Variants in TENM4 observed in about 807,000 individuals in gnomAD.
The protein encoded by TENM4 is teneurin transmembrane protein 4, also known as teneurin-4.
Under a neutral mutation model 243.3 loss-of-function variants are expected in TENM4, and 82 were observed. The observed-to-expected ratio is 0.34, with a 90% CI of 0.28 to 0.40. The LOEUF (loss-of-function observed/expected upper bound fraction) is 0.40. Ranked by LOEUF, TENM4 falls within the 10% of genes least tolerant of loss-of-function variation. The pLI is 1.00. For synonymous variants in TENM4, 1,412 were observed against 1,456.3 expected (o/e 0.97, Z 0.69); for missense variants, 3,138 against 3,673.3 (o/e 0.85, Z 3.77).
At chr11:78,787,927 G>A (rs1856974270) in intron 15 of TENM4, among the ~76,000 whole-genome samples, 1 of 152,172 alleles carries the variant, frequency 6.6e-6, no homozygotes, top group African/African-American at 2.4e-5. Context: ...AGGGAGCGGT[G>A]GTAAAGTCTT....
chr11:79,245,484 C>A (rs965576273), intron 2 of TENM4, among the ~76,000 whole-genome samples: 1 of 152,188 alleles, frequency 6.6e-6, no homozygotes, highest in South Asian at 2.1e-4. Context: ...AACTGGGGGA[C>A]CTCAGACTGT....
At chr11:79,234,954 T>G (rs60091531) in intron 2 of TENM4, among the ~76,000 whole-genome samples, 4,533 of 152,198 alleles carry the variant, frequency 0.03, 224 homozygotes, top group African/African-American at 0.1. Flanking sequence ...TATCTGGCAT[T>G]GGGCTCAGTG....
At chr11:79,364,304 C>G (rs1473212109) in intron 1 of TENM4, among the ~76,000 whole-genome samples, 2 of 152,188 alleles carry the variant, frequency 1.3e-5, no homozygotes, top group Non-Finnish European at 2.9e-5. Context: ...TCTCAGCACC[C>G]CCCGGCCCAA....
At chr11:78,945,837 A>C (rs1856993135) in intron 6 of TENM4, among the ~76,000 whole-genome samples, 1 of 152,224 alleles carries the variant, frequency 6.6e-6, no homozygotes, top group African/African-American at 2.4e-5. Flanking sequence ...CTTAAACCAA[A>C]GCCTAATCCA....
intron 6 of TENM4, among the ~76,000 whole-genome samples, chr11:78,908,921 C>T (rs992374224): frequency 2.0e-5 from 3 of 152,196 alleles, no homozygotes; most frequent in African/African-American, 7.2e-5. Flanking sequence ...TAAGCCTCAT[C>T]CTTGACAAGT....
At position 78,822,732 on chromosome 11, in the gene TENM4, A is replaced by T. The variant is rs556245930; in HGVS notation, c.1682-8337T>A. Among the ~76,000 whole-genome samples the T allele has an allele frequency of 3.7e-3, 556 of 151,306 alleles. 2 individuals carry two copies. Among genetic ancestry groups the T allele is most frequent in the Non-Finnish European group, 5.5e-3 (370 of 67,744 alleles). ...CATGTACCCTGGAACTTAAGATAAA[A>T]TTTTTTTTTTAAAAAAAGAAAAACA... On this transcript the variant is annotated intron_variant, in intron 12 of 33. Coordinates refer to ENST00000278550, the MANE Select transcript of TENM4 (RefSeq NM_001098816.3).
intron 7 of TENM4, among the ~76,000 whole-genome samples, chr11:78,894,871 G>A (rs1317616132): frequency 2.0e-5 from 3 of 150,854 alleles, no homozygotes; most frequent in East Asian, 2.0e-4. Flanking sequence ...CCACGTGCCT[G>A]TAGTACCAGC....
At chr11:78,852,267 T>C (rs1858557772) in intron 12 of TENM4, among the ~76,000 whole-genome samples, 1 of 152,214 alleles carries the variant, frequency 6.6e-6, no homozygotes, top group Admixed American at 6.5e-5. Flanking sequence ...ATTGAGCCTG[T>C]ATTTAGAGCA....
At chr11:78,665,358 G>A (rs1412067203) in intron 32 of TENM4, among the ~76,000 whole-genome samples, 1 of 151,194 alleles carries the variant, frequency 6.6e-6, no homozygotes, top group Non-Finnish European at 1.5e-5. Context: ...TGCAACCTCC[G>A]CATCCCAGGT....
chr11:78,817,224 C>T lies in TENM4; in HGVS notation c.1682-2829G>A, dbSNP rs56205703. On this transcript the variant is annotated intron_variant, in intron 12 of 33. Coordinates refer to ENST00000278550, the MANE Select transcript of TENM4 (RefSeq NM_001098816.3). ...CTTGGTGATATATAGGTGGAGGTGG[C>T]GGCATTTATAGCAGATGCATTTTCA... Among the ~76,000 whole-genome samples, 913 of 151,772 alleles carry T rather than the reference C, an allele frequency of 6.0e-3. 7 individuals are homozygous for T. The highest frequency in any genetic ancestry group is 0.02 in the African/African-American group (838 of 41,112).
intron 1 of TENM4, among the ~76,000 whole-genome samples, chr11:79,412,536 C>T (rs1281782776): frequency 6.6e-6 from 1 of 152,188 alleles, no homozygotes; most frequent in Non-Finnish European, 1.5e-5. Flanking sequence ...TTGGATAAGT[C>T]ACCTAACCTG....
chr11:79,385,417 T>A (rs1858091369), intron 1 of TENM4, among the ~76,000 whole-genome samples: 1 of 152,348 alleles, frequency 6.6e-6, no homozygotes, highest in Non-Finnish European at 1.5e-5. Flanking sequence ...CATAGAAGAC[T>A]GAAAGAAGCT....
chr11:79,138,564 T>TTC (rs1862169981), intron 4 of TENM4, among the ~76,000 whole-genome samples: 1 of 24,198 alleles, frequency 4.1e-5, no homozygotes, highest in Non-Finnish European at 8.8e-5. Flanking sequence ...TATAAATACA[T>TTC]AAAACATATA....
intron 6 of TENM4, among the ~76,000 whole-genome samples, chr11:78,908,678 A>G (rs1223326325): frequency 1.3e-5 from 2 of 152,230 alleles, no homozygotes; most frequent in Non-Finnish European, 2.9e-5. Context: ...TGTAGCCCTG[A>G]CACTCAGAAT....
intron 1 of TENM4, among the ~76,000 whole-genome samples, chr11:79,363,365 G>A (rs1160870147): frequency 1.3e-5 from 2 of 152,104 alleles, no homozygotes; most frequent in Non-Finnish European, 2.9e-5. Context: ...TCTCCCAACC[G>A]GAATGTAAAA....
chr11:79,377,875 A>T (rs537812860), intron 1 of TENM4, among the ~76,000 whole-genome samples: 24 of 116,038 alleles, frequency 2.1e-4, no homozygotes, highest in South Asian at 1.6e-3. Flanking sequence ...AAATACAATT[A>T]AAAAAAATAG....
At chr11:79,002,574 C>T (rs374397226) in intron 6 of TENM4, among the ~76,000 whole-genome samples, 2 of 152,148 alleles carry the variant, frequency 1.3e-5, no homozygotes, top group Non-Finnish European at 2.9e-5. Context: ...AGAAACAAGG[C>T]TAGTTGAGTG....
chr11:79,326,322 A>T (rs1450057582), intron 1 of TENM4, among the ~76,000 whole-genome samples: 1 of 152,156 alleles, frequency 6.6e-6, no homozygotes, highest in Non-Finnish European at 1.5e-5. Context: ...ACCCAAGGTC[A>T]ACTCAATGAC....
At chr11:79,222,370 G>A (rs111672479) in intron 2 of TENM4, among the ~76,000 whole-genome samples, 4 of 152,280 alleles carry the variant, frequency 2.6e-5, no homozygotes, top group South Asian at 2.1e-4. Flanking sequence ...ATTCCATGGT[G>A]TATATGTACA....
Sources: gnomAD v4.1 joint callset for allele counts (sites outside exome capture counted in the v4.1 genomes callset) on GRCh38, gnomAD v4.1.1 for gene constraint, MANE v1.5 for transcripts, NCBI Gene and HGNC (gene_info 2026-07-23, HGNC 2026-07-21) for gene names.